ANKRD36B: variants seen among roughly 807,000 people sequenced by gnomAD.
ANKRD36B encodes the protein ankyrin repeat domain-containing protein 36B.
In ANKRD36B, 37 loss-of-function variants were observed where a neutral mutation model predicts 135.7. The observed-to-expected ratio is 0.27, with a 90% CI of 0.21 to 0.36. The LOEUF (loss-of-function observed/expected upper bound fraction) is 0.36, where lower values mean the gene tolerates loss of function less well. Ranked by LOEUF, ANKRD36B falls within the 10% of genes least tolerant of loss-of-function variation. The pLI, the probability that ANKRD36B is intolerant of heterozygous loss-of-function variation, is 1.00. For missense variants in ANKRD36B, 549 were observed against 1,037.1 expected (o/e 0.53, Z 6.46); for synonymous variants, 179 against 348.1 (o/e 0.51, Z 5.41).
At chr2:97,549,306 G>A in intron 20 of ANKRD36B, 113 bp downstream of exon 20, 1 of 1,299,358 alleles carries the variant, frequency 7.7e-7, no homozygotes, top group East Asian at 2.5e-5. Context: ...AGAATCTCTG[G>A]CCTGCTGAAT....
rs2079823244 is a variant in ANKRD36B, at chr2:97,549,438, A to G, written c.1458T>C (p.Asp486=). Residue 486 remains aspartate, a synonymous_variant, in exon 20 of 44, where the codon GAT becomes GAC. Coordinates refer to ENST00000359901, the MANE Select transcript of ANKRD36B (RefSeq NM_001393939.1). The stretch of plus-strand genomic sequence containing the variant: ...AATTACCTGTCCTAGATTTTTCTCC[A>G]TCCTTTTTTTCTCTGGCTATATTCA... ...SVLNIAREKK[D]GEKSRTVSFE... 1.3e-6 allele frequency: 2 copies of G among 1,575,688 alleles called. No homozygotes were observed. The highest frequency in any genetic ancestry group is 1.1e-5 in the South Asian group (1 of 87,222).
At chr2:97,584,772 T>C (rs1260637178) in intron 3 of ANKRD36B, among the ~76,000 whole-genome samples, 172 bp downstream of exon 3, 1 of 139,008 alleles carries the variant, frequency 7.2e-6, no homozygotes, top group African/African-American at 3.0e-5. Flanking sequence ...CTATAATGCT[T>C]CTTTAAAAGT....
chr2:97,586,328 G>A (rs1415138002), intron 1 of ANKRD36B, among the ~76,000 whole-genome samples: 1 of 151,550 alleles, frequency 6.6e-6, no homozygotes, highest in Non-Finnish European at 1.5e-5. Context: ...AGTAGTATTT[G>A]AGACTGTCAT....
At chr2:97,551,179 G>C in intron 18 of ANKRD36B, 110 bp downstream of exon 18, 1 of 1,398,480 alleles carries the variant, frequency 7.2e-7, no homozygotes, top group South Asian at 1.3e-5. Context: ...AGAATCTCAG[G>C]CCTGCTGAGT....
chr2:97,516,195 A>T (rs1161963199), intron 36 of ANKRD36B, among the ~76,000 whole-genome samples: 9 of 56,438 alleles, frequency 1.6e-4, no homozygotes, highest in African/African-American at 4.4e-4. Flanking sequence ...GGTCCTGTAA[A>T]AAAAAAAAAA....
intron 4 of ANKRD36B, among the ~76,000 whole-genome samples, chr2:97,579,491 C>G (rs10199389): frequency 0.55 from 81,225 of 146,964 alleles, 24,036 homozygotes; most frequent in Non-Finnish European, 0.67. Flanking sequence ...TAATGATGCT[C>G]ATAAGCATGT....
At chr2:97,554,899 C>A (rs1039742360) in intron 14 of ANKRD36B, among the ~76,000 whole-genome samples, 161 bp downstream of exon 14, 4 of 151,886 alleles carry the variant, frequency 2.6e-5, no homozygotes, top group Non-Finnish European at 5.9e-5. Context: ...CCAAGACCAG[C>A]AGCATCAGCA....
chr2:97,561,284 A>G (rs2081000927), intron 6 of ANKRD36B, among the ~76,000 whole-genome samples: 1 of 151,932 alleles, frequency 6.6e-6, no homozygotes. Flanking sequence ...TTTTACTGCA[A>G]ACATTCATCA....
intron 20 of ANKRD36B, 22 bp from the exon 21 acceptor site, chr2:97,547,753 T>A: frequency 1.3e-6 from 2 of 1,549,738 alleles, no homozygotes; most frequent in Non-Finnish European, 1.7e-6. Context: ...AAGGGATTCA[T>A]AATCACTCAT....
chr2:97,566,144 A>G (rs2081410684), intron 6 of ANKRD36B, among the ~76,000 whole-genome samples: 1 of 123,732 alleles, frequency 8.1e-6, no homozygotes. Context: ...GTGAAACCCC[A>G]TCTCAACAAA....
chr2:97,555,450 C>A (rs554919643), intron 12 of ANKRD36B, among the ~76,000 whole-genome samples, 196 bp from the exon 13 acceptor site: 1 of 151,948 alleles, frequency 6.6e-6, no homozygotes, highest in Non-Finnish European at 1.5e-5. Flanking sequence ...CAAACCCTTA[C>A]AATGTCAATC....
At chr2:97,563,935 A>G (rs929653463) in intron 6 of ANKRD36B, among the ~76,000 whole-genome samples, 4 of 152,130 alleles carry the variant, frequency 2.6e-5, no homozygotes, top group African/African-American at 4.8e-5. Context: ...ATCACATGGC[A>G]TATCATTAGA....
chr2:97,579,574 G>A (rs1028203693), intron 4 of ANKRD36B, among the ~76,000 whole-genome samples: 1 of 129,942 alleles, frequency 7.7e-6, no homozygotes, highest in Non-Finnish European at 1.7e-5. Context: ...GGGTGGTTGT[G>A]TATAAGTAAT....
chr2:97,584,273 A>G, intron 3 of ANKRD36B, among the ~76,000 whole-genome samples: 1 of 119,382 alleles, frequency 8.4e-6, no homozygotes. Context: ...CACAACTCAC[A>G]AACTCTTTCC....
rs1466943324 is a variant in ANKRD36B at position 97,536,977 on chromosome 2, T to A, written c.2090-481A>T. On this transcript the variant is annotated intron_variant, in intron 32 of 43. Transcript: ENST00000359901. ...ATTACAATGACACTTCAGTTGAACGTACACTTCACGTATCTTCAGTGTAAG... is the reference window on the plus strand; with the variant it reads ...ATTACAATGACACTTCAGTTGAACGAACACTTCACGTATCTTCAGTGTAAG... 2.1e-5 allele frequency among the ~76,000 whole-genome samples: 2 copies of A among 97,016 alleles called. 1 individual carries two copies. Among genetic ancestry groups the A allele is most frequent in the Admixed American group, 1.8e-4 (2 of 10,956 alleles). 63.6% of individuals were successfully genotyped at this position (97,016 alleles called of 152,430 possible). A position where few individuals can be genotyped will look rare whatever the true frequency, so the allele number is the denominator to read the frequency against.
intron 6 of ANKRD36B, among the ~76,000 whole-genome samples, chr2:97,573,994 T>C (rs1414794441): frequency 1.3e-5 from 2 of 152,138 alleles, no homozygotes; most frequent in African/African-American, 4.8e-5. Flanking sequence ...ACTTCATGTC[T>C]AAAACACCAA....
rs553292070 is a variant in ANKRD36B, at chr2:97,571,813, A to C, written c.763+4566T>G. On this transcript the variant is annotated intron_variant, in intron 6 of 43. Transcript: ENST00000359901. ...TTCTTAAGTTCTTATAAAACTAAAA[A>C]TATCTATAAAAACTAAAAATCATCT... Among the ~76,000 whole-genome samples, 12 of 152,252 alleles carry C rather than the reference A, an allele frequency of 7.9e-5. No homozygotes were observed. The South Asian group carries it at 2.5e-3, about 32-fold the overall frequency.
At chr2:97,536,620 G>A in intron 32 of ANKRD36B, 124 bp from the exon 33 acceptor site, 1 of 454,462 alleles carries the variant, frequency 2.2e-6, no homozygotes, top group South Asian at 2.0e-5. Context: ...TGTTTTTCTA[G>A]TTTGTTTCTT....
intron 10 of ANKRD36B, among the ~76,000 whole-genome samples, chr2:97,558,248 T>C (rs1230712266): frequency 6.6e-6 from 1 of 152,072 alleles, no homozygotes. Context: ...AAAGCTTCTT[T>C]TACAAAAATG....
Sources: gnomAD v4.1 joint callset for allele counts (sites outside exome capture counted in the v4.1 genomes callset) on GRCh38, gnomAD v4.1.1 for gene constraint, MANE v1.5 for transcripts, NCBI Gene and HGNC (gene_info 2026-07-23, HGNC 2026-07-21) for gene names.